SPIDR: variants seen among roughly 807,000 people sequenced by gnomAD.
SPIDR encodes the protein DNA repair-scaffolding protein.
SPIDR carries 93 observed loss-of-function variants against 104.6 expected under a neutral mutation model. The observed-to-expected ratio is 0.89, with a 90% CI of 0.75 to 1.06. The LOEUF is 1.06. SPIDR is among the 50% of genes least tolerant of loss of function. The pLI is 0.00. For synonymous variants in SPIDR, 431 were observed against 416.9 expected (o/e 1.03, Z -0.41); for missense variants, 1,154 against 1,111.2 (o/e 1.04, Z -0.55).
At chr8:47,707,481 A>G (rs1280961287) in intron 14 of SPIDR, among the ~76,000 whole-genome samples, 1 of 152,140 alleles carries the variant, frequency 6.6e-6, no homozygotes, top group Non-Finnish European at 1.5e-5. Flanking sequence ...CTATTTTTTA[A>G]ATACAAAACC....
chr8:47,369,544 C>G (rs1179829491), intron 5 of SPIDR, among the ~76,000 whole-genome samples: 1 of 152,116 alleles, frequency 6.6e-6, no homozygotes, highest in African/African-American at 2.4e-5. Flanking sequence ...TCTTGGGTGC[C>G]TATGTTTTTA....
At chr8:47,282,412 A>G (rs2154225329) in intron 2 of SPIDR, among the ~76,000 whole-genome samples, 1 of 152,362 alleles carries the variant, frequency 6.6e-6, no homozygotes, top group African/African-American at 2.4e-5. Context: ...TAGCGTAGCT[A>G]CCTTCATCAG....
chr8:47,595,581 G>A (rs2061551298), intron 8 of SPIDR, among the ~76,000 whole-genome samples: 1 of 152,196 alleles, frequency 6.6e-6, no homozygotes, highest in Non-Finnish European at 1.5e-5. Context: ...CCAAGCCCAG[G>A]GACTTAGCCT....
chr8:47,277,120 G>C, intron 1 of SPIDR: 1 of 151,850 alleles, frequency 6.6e-6, no homozygotes, highest in Non-Finnish European at 1.5e-5. Flanking sequence ...TAGAGACGGG[G>C]TTTCTCCATG....
chr8:47,714,355 A>G (rs1465299468), intron 16 of SPIDR, among the ~76,000 whole-genome samples: 1 of 152,178 alleles, frequency 6.6e-6, no homozygotes, highest in Non-Finnish European at 1.5e-5. Flanking sequence ...GGTGCTGTTC[A>G]TTAAGTAGGA....
intron 10 of SPIDR, among the ~76,000 whole-genome samples, chr8:47,614,180 C>T (rs1157025750): frequency 1.3e-5 from 2 of 151,866 alleles, no homozygotes; most frequent in Non-Finnish European, 2.9e-5. Context: ...TCCATATCCA[C>T]GTCCCTGCAA....
At chr8:47,269,641 A>T (rs1405316549) in intron 1 of SPIDR, among the ~76,000 whole-genome samples, 1 of 152,058 alleles carries the variant, frequency 6.6e-6, no homozygotes, top group Non-Finnish European at 1.5e-5. Flanking sequence ...ACTACTTCCA[A>T]TTTAGACATC....
intron 5 of SPIDR, among the ~76,000 whole-genome samples, chr8:47,348,347 G>A (rs1290343624): frequency 2.6e-5 from 4 of 152,120 alleles, no homozygotes; most frequent in African/African-American, 7.2e-5. Context: ...CCCTTTGTGC[G>A]TAACCTGACC....
In SPIDR at chr8:47,260,980, C is replaced by T. The variant is rs969184352; in HGVS notation, c.22C>T (p.Arg8Trp). Residue 8 changes from arginine to tryptophan, a missense_variant, in exon 1 of 20, where the codon CGG (arginine) becomes TGG (tryptophan). By Grantham distance (101) the Arg-to-Trp change is moderately radical. Coordinates refer to ENST00000297423, the MANE Select transcript of SPIDR (RefSeq NM_001080394.4). ...GGAGATGCCCCGCGGCAGCCGCGCT[C>T]GGGGCTCTAAGGTAGGCTCTGGGGC... The part of the protein sequence containing the change: MPRGSRA[R>W]GSKRKRSWNT... The T allele has an allele frequency of 1.6e-6, 2 of 1,230,428 alleles. No individual in the cohort carries two copies. Among genetic ancestry groups the T allele is most frequent in the Non-Finnish European group, 2.0e-6 (2 of 986,864 alleles). 76.2% of individuals were successfully genotyped at this position (1,230,428 alleles called of 1,614,324 possible). A position where few individuals can be genotyped will look rare whatever the true frequency, so the allele number is the denominator to read the frequency against.
At chr8:47,398,694 A>G (rs782746278) in intron 6 of SPIDR, among the ~76,000 whole-genome samples, 1 of 152,200 alleles carries the variant, frequency 6.6e-6, no homozygotes, top group Non-Finnish European at 1.5e-5. Context: ...GGAGATGTGA[A>G]TGCGTAGACT....
intron 14 of SPIDR, among the ~76,000 whole-genome samples, chr8:47,703,630 A>T (rs949226811): frequency 6.6e-6 from 1 of 152,256 alleles, no homozygotes; most frequent in Non-Finnish European, 1.5e-5. Flanking sequence ...ATTTGAATTT[A>T]ACTTAATTTT....
At chr8:47,429,825 TTTA>T (rs1272717209) in intron 7 of SPIDR, among the ~76,000 whole-genome samples, 2 of 151,522 alleles carry the variant, frequency 1.3e-5, no homozygotes, top group Admixed American at 6.6e-5. Flanking sequence ...TTTATTTTAT[TTTA>T]TTATTATTAT....
At position 47,735,423 on chromosome 8, in the gene SPIDR, T is replaced by A; in HGVS notation, c.2721T>A (p.Ser907Arg). ...GATTGGAGGAAATCGAGCTTCTGAG[T>A]GCAGGAGGGGCCTCTGCAGAACACT... ...CIGLEEIELL[S>R]AGGASAEH Residue 907 changes from serine (S) to arginine (R), a missense_variant, in exon 20 of 20, where the codon AGT (serine) becomes AGA (arginine). Coordinates refer to ENST00000297423, the MANE Select transcript of SPIDR (RefSeq NM_001080394.4). 6.2e-7 allele frequency: 1 copy of A among 1,614,168 alleles called. No homozygotes were observed. The highest frequency in any genetic ancestry group is 8.5e-7 in the Non-Finnish European group (1 of 1,180,032).
chr8:47,599,781 G>A (rs1037579723), intron 10 of SPIDR, among the ~76,000 whole-genome samples: 2 of 152,182 alleles, frequency 1.3e-5, no homozygotes, highest in African/African-American at 4.8e-5. Context: ...AGCTGTAGAC[G>A]CATGATTGAC....
At chr8:47,493,562 G>C (rs1026568122) in intron 8 of SPIDR, among the ~76,000 whole-genome samples, 3 of 152,204 alleles carry the variant, frequency 2.0e-5, no homozygotes, top group Non-Finnish European at 4.4e-5. Context: ...CACCCTGAAA[G>C]AAGAATTGCA....
chr8:47,487,108 C>G (rs1442576707), intron 8 of SPIDR, among the ~76,000 whole-genome samples: 1 of 152,190 alleles, frequency 6.6e-6, no homozygotes, highest in African/African-American at 2.4e-5. Context: ...GGAGACCCAT[C>G]TGATGTGCAG....
At chr8:47,305,182 C>T (rs1467677696) in intron 5 of SPIDR, among the ~76,000 whole-genome samples, 1 of 152,214 alleles carries the variant, frequency 6.6e-6, no homozygotes, top group African/African-American at 2.4e-5. Context: ...TTCTCATAAC[C>T]TAATTTTTCA....
intron 10 of SPIDR, among the ~76,000 whole-genome samples, chr8:47,648,565 G>A (rs1290892679): frequency 6.6e-6 from 1 of 152,230 alleles, no homozygotes; most frequent in Admixed American, 6.5e-5. Context: ...GAGGCTCTGG[G>A]ACAGTGATAC....
Position 47,343,595 on chromosome 8 carries a change from A to T in SPIDR, c.525+49565A>T, listed in dbSNP as rs1441928674. Among the ~76,000 whole-genome samples, 6 of 152,314 alleles carry T rather than the reference A, an allele frequency of 3.9e-5. No individual in the cohort carries two copies. The East Asian group carries it at 9.6e-4, about 24-fold the overall frequency. ...AGCTGCCTGGGGTGGATGGAGTCTC[A>T]TCTGCGTGTGCTTCACTTTCAACAC... On this transcript the variant is annotated intron_variant, in intron 5 of 19. Coordinates refer to ENST00000297423, the MANE Select transcript of SPIDR (RefSeq NM_001080394.4).
Sources: allele counts gnomAD v4.1 joint callset (sites outside exome capture counted in the v4.1 genomes callset), GRCh38; gene constraint gnomAD v4.1.1; transcripts MANE v1.5; gene names NCBI Gene and HGNC (gene_info 2026-07-23, HGNC 2026-07-21).